The following MDFIC variants were observed in gnomAD, a reference collection of about 807,000 sequenced individuals.
The protein encoded by MDFIC is MyoD family inhibitor domain containing.
A neutral mutation model predicts 23.2 loss-of-function variants in MDFIC; 17 were observed. That is an observed-to-expected ratio of 0.73 (90% CI 0.50 to 1.10). The LOEUF is 1.10. Ranked by LOEUF, MDFIC falls within the 50% of genes least tolerant of loss-of-function variation. MDFIC has a pLI of 0.00. For missense variants in MDFIC, 356 were observed against 316.6 expected (o/e 1.12, Z -0.95); for synonymous variants, 120 against 115.2 (o/e 1.04, Z -0.27).
chr7:115,011,583 C>T (rs1050441552), intron 4 of MDFIC, among the ~76,000 whole-genome samples: 1 of 152,056 alleles, frequency 6.6e-6, no homozygotes, highest in Non-Finnish European at 1.5e-5. Flanking sequence ...AATTCTTTGT[C>T]TACTAAAAAT....
At chr7:114,933,289 C>T (rs976188415) in intron 2 of MDFIC, among the ~76,000 whole-genome samples, 5 of 140,732 alleles carry the variant, frequency 3.6e-5, no homozygotes, top group Admixed American at 7.6e-5. Flanking sequence ...GACGGAGTCT[C>T]ACTCTGTCAT....
chr7:114,944,684 T>C lies in MDFIC; in HGVS notation c.217+2287T>C, dbSNP rs568492095. On this transcript the variant is annotated intron_variant, in intron 3 of 4. Coordinates refer to ENST00000393486, the MANE Select transcript of MDFIC (RefSeq NM_001166345.3). ...CTCTGTGTAATTTAGTCTGTCTGTC[T>C]TAACTCTGAAGTTAGGAAGATGTGT... Among the ~76,000 whole-genome samples, 13 of 152,362 alleles carry C rather than the reference T, an allele frequency of 8.5e-5. No individual in the cohort carries two copies. The South Asian group carries it at 2.3e-3, about 27-fold the overall frequency.
intron 3 of MDFIC, among the ~76,000 whole-genome samples, chr7:114,944,698 A>G (rs1792611752): frequency 6.6e-6 from 1 of 152,204 alleles, no homozygotes. Context: ...CTCTGAAGTT[A>G]GGAAGATGTG....
At chr7:114,932,668 G>C (rs574547824) in intron 2 of MDFIC, among the ~76,000 whole-genome samples, 31 of 152,300 alleles carry the variant, frequency 2.0e-4, no homozygotes, top group African/African-American at 7.2e-4. Context: ...AAAGATGGTA[G>C]AGCCAAAAGA....
At chr7:114,964,572 A>T (rs534474187) in intron 3 of MDFIC, among the ~76,000 whole-genome samples, 1 of 128,146 alleles carries the variant, frequency 7.8e-6, no homozygotes. Flanking sequence ...TCCCCTTCCG[A>T]CAGAACATCA....
At chr7:114,929,283 T>C (rs1448269365) in intron 2 of MDFIC, among the ~76,000 whole-genome samples, 2 of 152,032 alleles carry the variant, frequency 1.3e-5, no homozygotes, top group Non-Finnish European at 2.9e-5. Flanking sequence ...ATTTTTTGTA[T>C]TTTTTAGTAG....
In MDFIC at chr7:115,017,904, A is replaced by T. The variant is rs1004848550; in HGVS notation, c.*1969A>T. On this transcript the variant is annotated 3_prime_UTR_variant, in exon 5 of 5. Transcript: ENST00000393486. The stretch of plus-strand genomic sequence containing the variant: ...CCTAGCCTTTTAAGAGAGGTTTTTA[A>T]CCTGAAGCATGAGAATATATCACCT... 4 of 152,092 alleles carry T rather than the reference A, an allele frequency of 2.6e-5. No individual in the cohort carries two copies. Among genetic ancestry groups the T allele is most frequent in the African/African-American group, 4.8e-5 (2 of 41,466 alleles). 9.4% of individuals were successfully genotyped at this position (152,092 alleles called of 1,614,324 possible).
chr7:114,997,376 G>A (rs990274601), intron 4 of MDFIC, among the ~76,000 whole-genome samples: 2 of 151,796 alleles, frequency 1.3e-5, no homozygotes, highest in African/African-American at 2.4e-5. Flanking sequence ...AGTACCCTGT[G>A]GTGTTGTAGG....
chr7:115,005,432 C>T (rs1562828534), intron 4 of MDFIC, among the ~76,000 whole-genome samples: 1 of 152,184 alleles, frequency 6.6e-6, no homozygotes, highest in Non-Finnish European at 1.5e-5. Context: ...CAGACACTTA[C>T]AACCCTTTCT....
intron 3 of MDFIC, among the ~76,000 whole-genome samples, chr7:114,965,713 A>G (rs184908319): frequency 9.8e-5 from 15 of 152,322 alleles, no homozygotes. Context: ...TCTGACATCT[A>G]TTAACTAGCA....
chr7:114,962,154 C>T (rs1274720603), intron 3 of MDFIC, among the ~76,000 whole-genome samples: 1 of 151,988 alleles, frequency 6.6e-6, no homozygotes. Flanking sequence ...GGGATCTATA[C>T]TCTTGTAATT....
intron 3 of MDFIC, among the ~76,000 whole-genome samples, 185 bp downstream of exon 3, chr7:114,942,582 G>T (rs1377753147): frequency 2.0e-5 from 3 of 152,102 alleles, no homozygotes; most frequent in Non-Finnish European, 4.4e-5. Context: ...TGTCAGTGTT[G>T]CCTTTCTTCA....
chr7:114,924,743 TTAAATA>T (rs1181797209), intron 2 of MDFIC, among the ~76,000 whole-genome samples: 1 of 152,232 alleles, frequency 6.6e-6, no homozygotes, highest in East Asian at 1.9e-4. Context: ...TCAGTTTAAT[TTAAATA>T]TAAAGTTGAT....
intron 3 of MDFIC, among the ~76,000 whole-genome samples, chr7:114,953,796 T>A (rs1188878542): frequency 6.6e-6 from 1 of 152,232 alleles, no homozygotes; most frequent in Non-Finnish European, 1.5e-5. Context: ...TCTAATATAC[T>A]TTAAATTGTC....
At chr7:114,946,460 C>T (rs1304626149) in intron 3 of MDFIC, among the ~76,000 whole-genome samples, 2 of 152,148 alleles carry the variant, frequency 1.3e-5, no homozygotes, top group Non-Finnish European at 2.9e-5. Flanking sequence ...TTTACATAAA[C>T]GTCTGCTAAT....
chr7:115,016,795 C>G lies in MDFIC; in HGVS notation c.*860C>G, dbSNP rs1451099513. The G allele has an allele frequency of 6.6e-6, 1 of 152,454 alleles. No homozygotes were observed. Among genetic ancestry groups the G allele is most frequent in the Admixed American group, 6.5e-5 (1 of 15,274 alleles). The allele number at this position is 152,454 out of a possible 1,614,324, so 9.4% of individuals were successfully genotyped here. On this transcript the variant is annotated 3_prime_UTR_variant, in exon 5 of 5. Coordinates refer to ENST00000393486, the MANE Select transcript of MDFIC (RefSeq NM_001166345.3). ...ACCTTCTCCACTTGTTCAACAGACT[C>G]TGAATGCCGACTGTGTGGACTCTCT... is the stretch of plus-strand genomic sequence containing the variant.
chr7:115,010,970 T>C (rs921428424), intron 4 of MDFIC, among the ~76,000 whole-genome samples: 1 of 152,206 alleles, frequency 6.6e-6, no homozygotes, highest in Non-Finnish European at 1.5e-5. Context: ...AATAATTTTT[T>C]AAAAAGAAAA....
intron 2 of MDFIC, among the ~76,000 whole-genome samples, chr7:114,941,067 G>T (rs556363123): frequency 2.0e-5 from 3 of 152,078 alleles, no homozygotes; most frequent in Middle Eastern, 3.4e-3. Context: ...TTCTCCCTCA[G>T]TTGAAATAGA....
At chr7:114,981,424 A>G (rs1793415507) in intron 4 of MDFIC, among the ~76,000 whole-genome samples, 1 of 152,166 alleles carries the variant, frequency 6.6e-6, no homozygotes, top group Admixed American at 6.5e-5. Context: ...AATCACCGGT[A>G]TATGAATGAG....
Sources: allele counts gnomAD v4.1 joint callset (sites outside exome capture counted in the v4.1 genomes callset), GRCh38; gene constraint gnomAD v4.1.1; transcripts MANE v1.5; gene names NCBI Gene and HGNC (gene_info 2026-07-23, HGNC 2026-07-21).